The following PKP1 variants were observed in gnomAD, a reference collection of about 807,000 sequenced individuals.
PKP1 encodes plakophilin 1.
In PKP1, 27 loss-of-function variants were observed where a neutral mutation model predicts 76.4. That is an observed-to-expected ratio of 0.35 (90% CI 0.26 to 0.49). The LOEUF is 0.49. Among genes scored for constraint, PKP1 ranks in the 20% least tolerant of loss-of-function variants. PKP1 has a pLI of 0.99. For missense variants in PKP1, 964 were observed against 955.2 expected, an observed-to-expected ratio of 1.01 and a Z score of -0.12; for synonymous variants, 404 against 384.2, an observed-to-expected ratio of 1.05 and a Z score of -0.60.
At chr1:201,306,616 T>C (rs1450760171) in intron 2 of PKP1, among the ~76,000 whole-genome samples, 1 of 152,220 alleles carries the variant, frequency 6.6e-6, no homozygotes. Context: ...TAAGGGATAC[T>C]GACCATTATT....
At position 201,318,698 on chromosome 1, in the gene PKP1, G is replaced by A. The variant is rs528712537; in HGVS notation, c.1135G>A (p.Val379Ile). ...ADALPVLADR[V>I]IIPFSGWCDG... is the part of the protein sequence containing the mutation. ...CGCCCTGCCTGTTCTGGCCGACCGC[G>A]TCATCATTCCCTTCTCTGGCTGGTG... Residue 379 changes from valine to isoleucine, a missense_variant, in exon 6 of 14, where the codon GTC (valine) becomes ATC (isoleucine). Transcript: ENST00000367324. 1.6e-5 allele frequency: 26 copies of A among 1,612,272 alleles called. No individual in the cohort carries two copies. Among genetic ancestry groups the A allele is most frequent in the African/African-American group, 2.7e-5 (2 of 74,972 alleles).
rs1267217204 is a variant in PKP1 at position 201,313,156 on chromosome 1, C to G, written c.307-10C>G. 1.2e-6 allele frequency: 2 copies of G among 1,609,380 alleles called. No homozygotes were observed. The highest frequency in any genetic ancestry group is 2.2e-5 in the East Asian group (1 of 44,798). On this transcript the variant is annotated splice_polypyrimidine_tract_variant and intron_variant, in intron 2 of 13. Coordinates refer to ENST00000367324, the MANE Select transcript of PKP1 (RefSeq NM_001005337.3). ...ACCTTGACTGAGCTTTTCTCCCTTT[C>G]CCTGGCCAGATCTACAATGGAACCC... is the stretch of plus-strand genomic sequence containing the variant.
intron 2 of PKP1, among the ~76,000 whole-genome samples, chr1:201,300,491 T>A (rs1475495000): frequency 6.6e-6 from 1 of 152,226 alleles, no homozygotes; most frequent in Non-Finnish European, 1.5e-5. Context: ...AGGCTCTGCC[T>A]CCTGGCTGAG....
intron 2 of PKP1, among the ~76,000 whole-genome samples, chr1:201,303,314 G>T (rs555943507): frequency 6.6e-6 from 1 of 152,008 alleles, no homozygotes; most frequent in Non-Finnish European, 1.5e-5. Context: ...CAGTTTTAGA[G>T]ATGGGGTCTC....
intron 1 of PKP1, among the ~76,000 whole-genome samples, chr1:201,287,101 T>C (rs1378913417): frequency 2.0e-5 from 3 of 152,168 alleles, no homozygotes; most frequent in Non-Finnish European, 2.9e-5. Context: ...TGCTTAGCCA[T>C]CTGTGATTTT....
intron 2 of PKP1, among the ~76,000 whole-genome samples, chr1:201,306,483 C>CCG (rs1400323239): frequency 1.4e-4 from 21 of 152,240 alleles, no homozygotes; most frequent in Admixed American, 1.4e-3. Context: ...CCCAAAAGAC[C>CCG]CGCAAGCTAC....
intron 2 of PKP1, among the ~76,000 whole-genome samples, chr1:201,312,184 G>A (rs1336998898): frequency 6.6e-6 from 1 of 152,236 alleles, no homozygotes; most frequent in Non-Finnish European, 1.5e-5. Context: ...CAGGGAGCAG[G>A]AATATTGTCC....
chr1:201,323,939 C>G (rs962822101), intron 9 of PKP1, among the ~76,000 whole-genome samples: 17 of 152,158 alleles, frequency 1.1e-4, no homozygotes, highest in African/African-American at 3.9e-4. Context: ...GGGCCCAGAC[C>G]CTTTCTTAGC....
intron 3 of PKP1, among the ~76,000 whole-genome samples, chr1:201,315,327 G>A (rs977694023): frequency 2.8e-4 from 43 of 152,342 alleles, no homozygotes; most frequent in Middle Eastern, 6.8e-3. Flanking sequence ...TCTGCACCTC[G>A]GGTGGTTTTC....
At chr1:201,321,044 G>A (rs985990608) in intron 7 of PKP1, among the ~76,000 whole-genome samples, 1 of 152,214 alleles carries the variant, frequency 6.6e-6, no homozygotes, top group South Asian at 2.1e-4. Context: ...CAGGACAGTG[G>A]CTCAGGAGAT....
At chr1:201,300,184 C>T (rs1048199911) in intron 2 of PKP1, among the ~76,000 whole-genome samples, 1 of 152,244 alleles carries the variant, frequency 6.6e-6, no homozygotes, top group African/African-American at 2.4e-5. Context: ...AAAATGGAGG[C>T]AAGTGAGCGG....
At position 201,313,404 on chromosome 1, in the gene PKP1, A is replaced by G; in HGVS notation, c.545A>G (p.Asn182Ser). Reference sequence around the variant, plus strand: ...AGCAAGGGCCAGAAGACCACCCAGAACCGCTACAGCTTTTACAGCACCTGC... The same window carrying G: ...AGCAAGGGCCAGAAGACCACCCAGAGCCGCTACAGCTTTTACAGCACCTGC... Reference protein sequence around the residue: ...LGSKGQKTTQNRYSFYSTCSG... With the variant: ...LGSKGQKTTQSRYSFYSTCSG... The change falls in exon 3 of 14, where the codon AAC becomes AGC. Residue 182 changes from asparagine (N) to serine (S), a missense_variant. Physicochemically the swap from Asn to Ser is conservative, Grantham distance 46. Coordinates refer to ENST00000367324, the MANE Select transcript of PKP1 (RefSeq NM_001005337.3). 2 of 1,587,032 alleles carry G rather than the reference A, an allele frequency of 1.3e-6. No individual in the cohort carries two copies. The highest frequency in any genetic ancestry group is 1.7e-6 in the Non-Finnish European group (2 of 1,166,494).
chr1:201,322,883 G>T, intron 8 of PKP1, 130 bp from the exon 9 acceptor site: 1 of 906,492 alleles, frequency 1.1e-6, no homozygotes, highest in Non-Finnish European at 1.7e-6. Flanking sequence ...CCCTGCCTCT[G>T]CAGGCGCTTC....
chr1:201,295,324 A>G (rs1656040943), intron 2 of PKP1, among the ~76,000 whole-genome samples: 1 of 152,154 alleles, frequency 6.6e-6, no homozygotes, highest in Non-Finnish European at 1.5e-5. Flanking sequence ...GGATGAAAGG[A>G]GACAATTAAC....
intron 12 of PKP1, among the ~76,000 whole-genome samples, chr1:201,327,687 G>A (rs1657188221): frequency 6.6e-6 from 1 of 151,788 alleles, no homozygotes; most frequent in African/African-American, 2.4e-5. Flanking sequence ...ACATGCCTTT[G>A]GGAACCAGCG....
At chr1:201,304,506 C>A (rs1197198963) in intron 2 of PKP1, among the ~76,000 whole-genome samples, 1 of 152,260 alleles carries the variant, frequency 6.6e-6, no homozygotes, top group Non-Finnish European at 1.5e-5. Flanking sequence ...GACAGATGGT[C>A]TTCCAGCCCA....
At chr1:201,284,404 C>T (rs1655667416) in intron 1 of PKP1, among the ~76,000 whole-genome samples, 1 of 152,182 alleles carries the variant, frequency 6.6e-6, no homozygotes, top group African/African-American at 2.4e-5. Flanking sequence ...GAGGCCGATG[C>T]CCAGCGTCCA....
chr1:201,295,986 T>A (rs1351041310), intron 2 of PKP1, among the ~76,000 whole-genome samples: 1 of 152,202 alleles, frequency 6.6e-6, no homozygotes, highest in African/African-American at 2.4e-5. Context: ...GCTCCCAAAC[T>A]GTCCTCACCC....
chr1:201,326,012 G>A (rs1657117372), intron 12 of PKP1, among the ~76,000 whole-genome samples, 174 bp downstream of exon 12: 1 of 152,198 alleles, frequency 6.6e-6, no homozygotes, highest in African/African-American at 2.4e-5. Flanking sequence ...TTCTGATCAA[G>A]TCTCTGGGCT....
Sources: allele counts gnomAD v4.1 joint callset (sites outside exome capture counted in the v4.1 genomes callset), GRCh38; gene constraint gnomAD v4.1.1; transcripts MANE v1.5; gene names NCBI Gene and HGNC (gene_info 2026-07-23, HGNC 2026-07-21).